WWOX: variants seen among roughly 807,000 people sequenced by gnomAD.
WWOX encodes the protein WW domain-containing oxidoreductase.
WWOX carries 69 observed loss-of-function variants against 46.2 expected under a neutral mutation model. That is an observed-to-expected ratio of 1.49 (90% CI 1.23 to 1.82). WWOX has a LOEUF of 1.82. WWOX is among the 40% of genes most tolerant of loss of function. The pLI is 0.00. For missense variants in WWOX, 919 were observed against 542.6 expected, an observed-to-expected ratio of 1.69 and a Z score of -6.89; for synonymous variants, 359 against 202.6, an observed-to-expected ratio of 1.77 and a Z score of -6.56.
chr16:78,547,652 C>G (rs1040321212), intron 8 of WWOX, among the ~76,000 whole-genome samples: 1 of 152,140 alleles, frequency 6.6e-6, no homozygotes. Context: ...CAAGATCAAG[C>G]TGCTGGCAGA....
chr16:79,154,472 C>T (rs1162667966), intron 8 of WWOX, among the ~76,000 whole-genome samples: 1 of 127,378 alleles, frequency 7.9e-6, no homozygotes, highest in African/African-American at 2.9e-5. Flanking sequence ...TAGACATGGA[C>T]ATATAAATAA....
At chr16:78,808,986 A>G (rs2051116438) in intron 8 of WWOX, among the ~76,000 whole-genome samples, 1 of 152,022 alleles carries the variant, frequency 6.6e-6, no homozygotes. Context: ...AATTCTCAGG[A>G]CCTGATGAAT....
chr16:79,113,656 C>G (rs571628669), intron 8 of WWOX, among the ~76,000 whole-genome samples: 1 of 152,312 alleles, frequency 6.6e-6, no homozygotes, highest in African/African-American at 2.4e-5. Context: ...ATAAGTTGCA[C>G]TAAACTGCTC....
chr16:78,174,719 G>A (rs1270339641), intron 5 of WWOX, among the ~76,000 whole-genome samples: 1 of 152,172 alleles, frequency 6.6e-6, no homozygotes, highest in Non-Finnish European at 1.5e-5. Flanking sequence ...CGGGTGTGGT[G>A]GCTCACACCT....
intron 8 of WWOX, among the ~76,000 whole-genome samples, chr16:78,440,177 T>G (rs3963467): frequency 0.016 from 2,402 of 152,318 alleles, 62 homozygotes; most frequent in African/African-American, 0.055. Context: ...TTAATAGTTT[T>G]CTCATTAATC....
At chr16:78,557,688 G>GTTTTTTTTTTTTTTTTT (rs1567642864) in intron 8 of WWOX, among the ~76,000 whole-genome samples, 1 of 107,108 alleles carries the variant, frequency 9.3e-6, no homozygotes, top group African/African-American at 6.0e-5. Context: ...TCTAGGGAAG[G>GTTTTTTTTTTTTTTTTT]ATTTTTTTTT....
At chr16:78,433,777 CTTTTTTTTTTTT>C (rs547236644) in intron 8 of WWOX, among the ~76,000 whole-genome samples, 2,271 of 84,362 alleles carry the variant, frequency 0.027, 25 homozygotes, top group Middle Eastern at 0.036. Context: ...TTGGGGATGA[CTTTTTTTTTTTT>C]TTTTTTTTTT....
Position 78,649,445 on chromosome 16 carries a change from A to G in WWOX, c.1056+216693A>G, listed in dbSNP as rs541021474. On this transcript the variant is annotated intron_variant, in intron 8 of 8. Transcript: ENST00000566780. Reference sequence around the variant, plus strand: ...ACTACAGGTGGGTACCACCATACCCAGCTGTTGAAAAAAAAATGGTGGGGT... The same window carrying G: ...ACTACAGGTGGGTACCACCATACCCGGCTGTTGAAAAAAAAATGGTGGGGT... Among the ~76,000 whole-genome samples, 524 of 151,032 alleles carry G rather than the reference A, an allele frequency of 3.5e-3. 3 individuals are homozygous for G. Among genetic ancestry groups the G allele is most frequent in the African/African-American group, 0.012 (512 of 41,122 alleles).
intron 8 of WWOX, among the ~76,000 whole-genome samples, chr16:79,126,731 G>T (rs867591127): frequency 1.6e-4 from 25 of 152,338 alleles, no homozygotes; most frequent in African/African-American, 6.0e-4. Context: ...TGAGGGGTCA[G>T]TGGTGGACCC....
At chr16:78,229,496 T>TTA (rs1481481620) in intron 5 of WWOX, among the ~76,000 whole-genome samples, 31 of 125,488 alleles carry the variant, frequency 2.5e-4, no homozygotes, top group African/African-American at 9.7e-4. Flanking sequence ...GTATATATAT[T>TTA]TATCTATATC....
chr16:78,780,787 G>C (rs1238330815), intron 8 of WWOX, among the ~76,000 whole-genome samples: 2 of 152,166 alleles, frequency 1.3e-5, no homozygotes, highest in Non-Finnish European at 2.9e-5. Flanking sequence ...GGCTAGCATA[G>C]GATGGGATAG....
At chr16:78,100,875 T>C (rs780264763) in intron 1 of WWOX, among the ~76,000 whole-genome samples, 2 of 152,168 alleles carry the variant, frequency 1.3e-5, no homozygotes, top group African/African-American at 2.4e-5. Context: ...TGGGTCTCCA[T>C]AGAGAACCTA....
intron 5 of WWOX, among the ~76,000 whole-genome samples, chr16:78,238,880 A>C (rs889714291): frequency 2.0e-5 from 3 of 152,016 alleles, no homozygotes; most frequent in Non-Finnish European, 4.4e-5. Context: ...TGGCCTCCCA[A>C]AGTGCTGGGA....
At chr16:78,317,921 A>G (rs1454034804) in intron 5 of WWOX, among the ~76,000 whole-genome samples, 1 of 152,182 alleles carries the variant, frequency 6.6e-6, no homozygotes, top group African/African-American at 2.4e-5. Context: ...CCCCTCATGC[A>G]CTGGCTTTGC....
intron 8 of WWOX, among the ~76,000 whole-genome samples, chr16:79,137,013 G>A (rs1224898026): frequency 6.6e-6 from 1 of 152,166 alleles, no homozygotes; most frequent in African/African-American, 2.4e-5. Context: ...CTGAGAGGAG[G>A]CTATTGTGAT....
intron 8 of WWOX, among the ~76,000 whole-genome samples, chr16:78,888,104 C>G (rs1187016050): frequency 6.6e-6 from 1 of 152,178 alleles, no homozygotes; most frequent in East Asian, 1.9e-4. Flanking sequence ...TTTGTGAAAT[C>G]AACTTTCTTG....
intron 8 of WWOX, chr16:78,896,358 C>A (rs1319205660): frequency 6.6e-6 from 1 of 152,012 alleles, no homozygotes; most frequent in African/African-American, 2.4e-5. Flanking sequence ...ACAAAGTTAT[C>A]AAAAACGGGC....
chr16:78,507,406 T>C (rs1401229206), intron 8 of WWOX, among the ~76,000 whole-genome samples: 2 of 152,206 alleles, frequency 1.3e-5, no homozygotes, highest in African/African-American at 2.4e-5. Context: ...TGAGAAGTGA[T>C]AGAATATTCT....
chr16:79,040,144 A>G (rs1471897290), intron 8 of WWOX, among the ~76,000 whole-genome samples: 4 of 152,146 alleles, frequency 2.6e-5, no homozygotes, highest in South Asian at 2.1e-4. Flanking sequence ...TGTACTTGGA[A>G]TGGATCCTGG....
Sources: gnomAD v4.1 joint callset for allele counts (sites outside exome capture counted in the v4.1 genomes callset) on GRCh38, gnomAD v4.1.1 for gene constraint, MANE v1.5 for transcripts, NCBI Gene and HGNC (gene_info 2026-07-23, HGNC 2026-07-21) for gene names.